AFF1: variants seen among roughly 807,000 people sequenced by gnomAD.
AFF1 encodes ALF transcription elongation factor 1, also known as AF4/FMR2 family member 1.
A neutral mutation model predicts 121.7 loss-of-function variants in AFF1; 48 were observed. The ratio of observed to expected loss-of-function variants is 0.39; its 90% CI spans 0.31 to 0.50. The LOEUF (loss-of-function observed/expected upper bound fraction) is 0.50, where lower values mean the gene tolerates loss of function less well. Ranked by LOEUF, AFF1 falls within the 20% of genes least tolerant of loss-of-function variation. AFF1 has a pLI of 0.76. For missense variants in AFF1, 1,523 were observed against 1,511.7 expected, an observed-to-expected ratio of 1.01 and a Z score of -0.12; for synonymous variants, 613 against 563.0, an observed-to-expected ratio of 1.09 and a Z score of -1.26.
chr4:87,024,732 G>A (rs953287953), intron 2 of AFF1, among the ~76,000 whole-genome samples: 1 of 151,940 alleles, frequency 6.6e-6, no homozygotes, highest in Non-Finnish European at 1.5e-5. Flanking sequence ...GGGATTACAG[G>A]TGCCCACCAC....
Position 87,136,345 on chromosome 4 carries a change from A to G in AFF1, c.*644A>G, listed in dbSNP as rs1036562988. On this transcript the variant is annotated 3_prime_UTR_variant, in exon 21 of 21. Transcript: ENST00000395146. Reference sequence around the variant, plus strand: ...GCAACCCCCGCTCCTGCCGCCCCCAATCTCCCCATTGCCTAGAGCGCTGCA... The same window carrying G: ...GCAACCCCCGCTCCTGCCGCCCCCAGTCTCCCCATTGCCTAGAGCGCTGCA... The G allele has an allele frequency of 1.3e-4, 31 of 232,038 alleles. No homozygotes were observed. In the East Asian group the frequency reaches 1.7e-3, roughly 13 times the overall value. 14.4% of individuals were successfully genotyped at this position (232,038 alleles called of 1,614,324 possible). A position where few individuals can be genotyped will look rare whatever the true frequency, so the allele number is the denominator to read the frequency against.
chr4:87,028,542 A>G (rs2149577271), intron 2 of AFF1, among the ~76,000 whole-genome samples: 1 of 152,224 alleles, frequency 6.6e-6, no homozygotes, highest in African/African-American at 2.4e-5. Flanking sequence ...AACCTGTTGG[A>G]TGAGTTGTGT....
intron 2 of AFF1, among the ~76,000 whole-genome samples, chr4:86,975,195 C>A (rs113020199): frequency 6.6e-6 from 1 of 152,130 alleles, no homozygotes; most frequent in Admixed American, 6.5e-5. Context: ...TTGGTCCCTT[C>A]CGACACTACT....
chr4:86,965,768 C>T (rs1321843050), intron 2 of AFF1, among the ~76,000 whole-genome samples: 1 of 152,114 alleles, frequency 6.6e-6, no homozygotes, highest in African/African-American at 2.4e-5. Context: ...GGCCTTTCTC[C>T]CCCATCAGTG....
chr4:87,072,050 T>C (rs1338178836), intron 4 of AFF1, among the ~76,000 whole-genome samples: 6 of 151,876 alleles, frequency 4.0e-5, no homozygotes, highest in Non-Finnish European at 7.4e-5. Flanking sequence ...GGAGAGAAAA[T>C]AATATGAATG....
At chr4:86,993,382 A>T (rs752580669) in intron 2 of AFF1, among the ~76,000 whole-genome samples, 1 of 152,216 alleles carries the variant, frequency 6.6e-6, no homozygotes, top group African/African-American at 2.4e-5. Flanking sequence ...TGAGGAAAAC[A>T]TCCCTGCAGA....
intron 2 of AFF1, among the ~76,000 whole-genome samples, chr4:86,991,914 T>C (rs1724761915): frequency 6.6e-6 from 1 of 152,060 alleles, no homozygotes; most frequent in African/African-American, 2.4e-5. Flanking sequence ...TGAATTTTCT[T>C]TCAACCTTCA....
chr4:87,022,234 A>G (rs1026796221), intron 2 of AFF1, among the ~76,000 whole-genome samples: 1 of 150,134 alleles, frequency 6.7e-6, no homozygotes, highest in Non-Finnish European at 1.5e-5. Flanking sequence ...AAAAAATGCC[A>G]TGCTAAAAAC....
At chr4:86,976,128 A>G (rs896742879) in intron 2 of AFF1, among the ~76,000 whole-genome samples, 1 of 152,174 alleles carries the variant, frequency 6.6e-6, no homozygotes, top group African/African-American at 2.4e-5. Context: ...GGAGGGGCAC[A>G]CAGAGTTTTT....
At chr4:86,961,696 C>T (rs1722161673) in intron 2 of AFF1, among the ~76,000 whole-genome samples, 1 of 151,240 alleles carries the variant, frequency 6.6e-6, no homozygotes, top group South Asian at 2.1e-4. Context: ...AGGTGGTTCC[C>T]ATCCTAAATT....
At chr4:87,013,310 G>T (rs1390400102) in intron 2 of AFF1, among the ~76,000 whole-genome samples, 1 of 152,052 alleles carries the variant, frequency 6.6e-6, no homozygotes, top group Non-Finnish European at 1.5e-5. Flanking sequence ...AAAGTGCTGG[G>T]ATTACAGGCG....
At chr4:87,041,699 GTTAAC>G (rs755762438) in intron 2 of AFF1, among the ~76,000 whole-genome samples, 1 of 151,730 alleles carries the variant, frequency 6.6e-6, no homozygotes, top group Non-Finnish European at 1.5e-5. Context: ...TAAAGTGACA[GTTAAC>G]TTATAGTTAT....
At chr4:87,030,835 C>G (rs924851587) in intron 2 of AFF1, among the ~76,000 whole-genome samples, 1 of 152,092 alleles carries the variant, frequency 6.6e-6, no homozygotes, top group Non-Finnish European at 1.5e-5. Context: ...CTGAGTGACT[C>G]GCATTCCCAA....
chr4:86,978,741 T>C (rs903213709), intron 2 of AFF1, among the ~76,000 whole-genome samples: 1 of 152,190 alleles, frequency 6.6e-6, no homozygotes, highest in Admixed American at 6.5e-5. Context: ...TGCTACCTTT[T>C]CTTGGATTTA....
At chr4:87,124,770 C>G (rs1049937125) in intron 12 of AFF1, among the ~76,000 whole-genome samples, 2 of 152,126 alleles carry the variant, frequency 1.3e-5, no homozygotes, top group Non-Finnish European at 2.9e-5. Flanking sequence ...CTTTAGGCAT[C>G]TTCGTTTTCT....
chr4:87,103,130 A>T (rs969999500), intron 8 of AFF1, among the ~76,000 whole-genome samples: 8 of 152,170 alleles, frequency 5.3e-5, no homozygotes, highest in African/African-American at 9.7e-5. Flanking sequence ...CTTGTAACTT[A>T]AAAAAAGTAG....
intron 2 of AFF1, among the ~76,000 whole-genome samples, chr4:86,969,907 GT>G (rs1722823913): frequency 1.2e-5 from 1 of 86,662 alleles, no homozygotes; most frequent in Non-Finnish European, 2.9e-5. Flanking sequence ...AGGTAAGATA[GT>G]TTATATGTGC....
At chr4:86,980,945 G>GCCCCC (rs1195643345) in intron 2 of AFF1, among the ~76,000 whole-genome samples, 1 of 93,396 alleles carries the variant, frequency 1.1e-5, no homozygotes, top group African/African-American at 4.2e-5. Flanking sequence ...GAGGCTTGAG[G>GCCCCC]CACCCCCCCC....
chr4:86,938,092 C>T (rs187013938), intron 1 of AFF1, among the ~76,000 whole-genome samples: 1 of 152,278 alleles, frequency 6.6e-6, no homozygotes, highest in East Asian at 1.9e-4. Flanking sequence ...TATTTCAAGG[C>T]TCTAGACCAT....
Sources: allele counts gnomAD v4.1 joint callset (sites outside exome capture counted in the v4.1 genomes callset), GRCh38; gene constraint gnomAD v4.1.1; transcripts MANE v1.5; gene names NCBI Gene and HGNC (gene_info 2026-07-23, HGNC 2026-07-21).